The following PLCXD1 variants were observed in gnomAD, a reference collection of about 807,000 sequenced individuals.
PLCXD1 encodes PI-PLC X domain-containing protein 1.
PLCXD1 carries 45 observed loss-of-function variants against 37.8 expected under a neutral mutation model. That is an observed-to-expected ratio of 1.19 (90% CI 0.94 to 1.53). The LOEUF (loss-of-function observed/expected upper bound fraction) is 1.53. PLCXD1 is among the 40% of genes most tolerant of loss of function. The pLI is 0.00. For missense variants in PLCXD1, 539 were observed against 454.7 expected (o/e 1.19, Z -1.69); for synonymous variants, 246 against 206.9 (o/e 1.19, Z -1.62).
At chrX:285,689 A>G (rs781418926) in intron 2 of PLCXD1, among the ~76,000 whole-genome samples, 1 of 152,238 alleles carries the variant, frequency 6.6e-6, no homozygotes, top group East Asian at 1.9e-4. Flanking sequence ...ACACAGGAAC[A>G]CAGGTACATG....
upstream of PLCXD1, among the ~76,000 whole-genome samples, chrX:277,037 A>G (rs902479309): frequency 6.6e-6 from 1 of 152,088 alleles, no homozygotes; most frequent in Admixed American, 6.5e-5. Context: ...CAGGGTGGAG[A>G]GGACCTCCCC....
intron 1 of PLCXD1, among the ~76,000 whole-genome samples, chrX:282,760 A>T (rs189762103): frequency 6.7e-6 from 1 of 150,034 alleles, no homozygotes; most frequent in Admixed American, 6.7e-5. Context: ...AGGCAGAGAA[A>T]GAATTTACAA....
chrX:292,885 T>A, intron 5 of PLCXD1, 150 bp from the exon 6 acceptor site: 1 of 553,582 alleles, frequency 1.8e-6, no homozygotes, highest in Non-Finnish European at 3.2e-6. Context: ...AGTGCTGGGA[T>A]TACAGGCGTC....
At chrX:291,803 T>A in intron 5 of PLCXD1, 149 bp downstream of exon 5, 1 of 893,352 alleles carries the variant, frequency 1.1e-6, no homozygotes, top group Non-Finnish European at 1.8e-6. Flanking sequence ...TCTCCCGCAG[T>A]GTGGGGGGCC....
In PLCXD1 at chrX:281,421, G is replaced by A. The variant is rs1478375955; in HGVS notation, c.-285G>A. Reference sequence around the variant, plus strand: ...GAAGATCTGAGTTCATGTAGCTGGTGTTGGCTTAGGGTCTGGGAGGAAGGC... The same window carrying A: ...GAAGATCTGAGTTCATGTAGCTGGTATTGGCTTAGGGTCTGGGAGGAAGGC... On this transcript the variant is annotated 5_prime_UTR_variant, in exon 1 of 7. Coordinates refer to ENST00000381657, the MANE Select transcript of PLCXD1 (RefSeq NM_018390.4). The A allele has an allele frequency of 6.5e-6, 1 of 154,252 alleles. No homozygotes were observed. Among genetic ancestry groups the A allele is most frequent in the Non-Finnish European group, 1.4e-5 (1 of 69,676 alleles). The allele number at this position is 154,252 out of a possible 1,614,324, so 9.6% of individuals were successfully genotyped here.
At chrX:285,284 A>G (rs2069412492) in intron 2 of PLCXD1, among the ~76,000 whole-genome samples, 1 of 152,094 alleles carries the variant, frequency 6.6e-6, no homozygotes, top group Non-Finnish European at 1.5e-5. Flanking sequence ...AGGCTCATAC[A>G]CACATGGATG....
chrX:300,566 GTATGTGTACATGTATATGTGTT>G lies in PLCXD1; in HGVS notation c.*1235_*1256del, dbSNP rs2069982398. On this transcript the variant is annotated 3_prime_UTR_variant, in exon 7 of 7. Coordinates refer to ENST00000381657, the MANE Select transcript of PLCXD1 (RefSeq NM_018390.4). ...TGTATATGTGTATGCATGTATATGT[GTATGTGTACATGTATATGTGTT>G]TATACATGTATATGTGTGTATGCGT... The G allele has an allele frequency of 6.7e-6, 1 of 149,320 alleles. No homozygotes were observed. The highest frequency in any genetic ancestry group is 2.6e-5 in the African/African-American group (1 of 39,038). 9.2% of individuals were successfully genotyped at this position (149,320 alleles called of 1,614,324 possible).
intron 1 of PLCXD1, among the ~76,000 whole-genome samples, chrX:282,637 G>A (rs1333952941): frequency 1.3e-5 from 2 of 151,180 alleles, no homozygotes; most frequent in African/African-American, 4.9e-5. Context: ...CCTGGGAGGC[G>A]GAGGTTGCAG....
chrX:290,134 AT>A (rs1196906062), intron 3 of PLCXD1, among the ~76,000 whole-genome samples: 1 of 151,982 alleles, frequency 6.6e-6, no homozygotes, highest in Non-Finnish European at 1.5e-5. Context: ...GATTTTTAAA[AT>A]TTTTAGTAGA....
At chrX:278,283 T>C (rs1293010353), upstream of PLCXD1, among the ~76,000 whole-genome samples, 1 of 151,280 alleles carries the variant, frequency 6.6e-6, no homozygotes, top group Non-Finnish European at 1.5e-5. Flanking sequence ...GGGACTGTGA[T>C]GGGAGGGAGG....
rs780227650 is a variant in PLCXD1, at chrX:299,311, C to G, written c.948C>G (p.Leu316=). The change falls in exon 7 of 7, where the codon CTC becomes CTG. Residue 316 remains leucine, a synonymous_variant. Transcript: ENST00000381657. The part of the protein sequence containing the change: ...ADGFVSDVIA[L]NQKLLWC ...GCTTCGTCAGTGACGTCATCGCGCT[C>G]AATCAGAAGCTGCTGTGGTGCTGAC... 1.1e-5 allele frequency: 17 copies of G among 1,613,490 alleles called. No individual in the cohort carries two copies. Among genetic ancestry groups the G allele is most frequent in the Non-Finnish European group, 1.4e-5 (17 of 1,179,458 alleles).
At chrX:292,603 T>A (rs1397147385) in intron 5 of PLCXD1, among the ~76,000 whole-genome samples, 1 of 142,528 alleles carries the variant, frequency 7.0e-6, no homozygotes, top group Non-Finnish European at 1.5e-5. Flanking sequence ...CCCCTGCACC[T>A]GGCCATACTT....
At chrX:285,986 G>A (rs1268412075) in intron 2 of PLCXD1, among the ~76,000 whole-genome samples, 6 of 152,116 alleles carry the variant, frequency 3.9e-5, no homozygotes, top group Admixed American at 3.9e-4. Flanking sequence ...GTGGGTTACT[G>A]AAGTGGCATC....
At chrX:284,119 G>T in intron 1 of PLCXD1, 48 bp from the exon 2 acceptor site, 1 of 1,523,586 alleles carries the variant, frequency 6.6e-7, no homozygotes, top group South Asian at 1.1e-5. Context: ...TCGAACTCCT[G>T]ACCTGAAGTC....
In PLCXD1 at chrX:290,783, C is replaced by T. The variant is rs772722780; in HGVS notation, c.393+7C>T. 2 of 1,611,900 alleles carry T rather than the reference C, an allele frequency of 1.2e-6. No individual in the cohort carries two copies. Among genetic ancestry groups the T allele is most frequent in the African/African-American group, 1.3e-5 (1 of 74,790 alleles). ...CACAACGGCGCTGGTGGAGGTGCGGCCGGGCTGAGGTGGGACGCAATGGGG... is the reference window on the plus strand; with the variant it reads ...CACAACGGCGCTGGTGGAGGTGCGGTCGGGCTGAGGTGGGACGCAATGGGG... On this transcript the variant is annotated splice_region_variant and intron_variant, in intron 4 of 6. Transcript: ENST00000381657.
rs1226866979 is a variant in PLCXD1 at position 302,883 on chromosome X, T to C, written c.*3548T>C. 3 of 152,138 alleles carry C rather than the reference T, an allele frequency of 2.0e-5. No homozygotes were observed. The highest frequency in any genetic ancestry group is 2.9e-5 in the Non-Finnish European group (2 of 68,026). 9.4% of individuals were successfully genotyped at this position (152,138 alleles called of 1,614,324 possible). On this transcript the variant is annotated 3_prime_UTR_variant, in exon 7 of 7. Transcript: ENST00000381657. ...GCCACCGCGCCCGGCCTATACCTCA[T>C]TTTCTACATGTCGCTTGTTGGAGCT...
At position 284,020 on chromosome X, in the gene PLCXD1, G is replaced by C. The variant is rs183742423; in HGVS notation, c.-21-147G>C. ...CCTCAGCCTCCCGAGTAGCTGGGAT[G>C]ACAGGTGCCACAGGTGCCCACCACC... On this transcript the variant is annotated intron_variant, in intron 1 of 6. Transcript: ENST00000381657. The C allele has an allele frequency of 4.3e-4, 280 of 644,292 alleles. 1 individual carries two copies. The East Asian group carries it at 6.5e-3, about 15-fold the overall frequency. 39.9% of individuals were successfully genotyped at this position (644,292 alleles called of 1,614,324 possible). A position where few individuals can be genotyped will look rare whatever the true frequency, so the allele number is the denominator to read the frequency against.
Position 299,439 on chromosome X carries a change from T to A in PLCXD1, c.*104T>A. ...CAAATGTTGGTGATCATAGGACCGA[T>A]GATAATACGTTTTCATTTTCTTTAA... is the stretch of plus-strand genomic sequence containing the variant. On this transcript the variant is annotated 3_prime_UTR_variant, in exon 7 of 7. Transcript: ENST00000381657. 4 of 845,332 alleles carry A rather than the reference T, an allele frequency of 4.7e-6. No individual in the cohort carries two copies. In the South Asian group the frequency reaches 5.8e-5, roughly 12 times the overall value. 52.4% of individuals were successfully genotyped at this position (845,332 alleles called of 1,614,324 possible). A position where few individuals can be genotyped will look rare whatever the true frequency, so the allele number is the denominator to read the frequency against.
upstream of PLCXD1, among the ~76,000 whole-genome samples, chrX:278,014 G>C (rs1320892593): frequency 1.1e-5 from 1 of 88,418 alleles, no homozygotes; most frequent in African/African-American, 5.0e-5. Context: ...GAGGGGAGGG[G>C]TCAGGGGGAA....
Sources: allele counts gnomAD v4.1 joint callset (sites outside exome capture counted in the v4.1 genomes callset), GRCh38; gene constraint gnomAD v4.1.1; transcripts MANE v1.5; gene names NCBI Gene and HGNC (gene_info 2026-07-23, HGNC 2026-07-21).